Variants in SDK1 observed in about 807,000 individuals in gnomAD.
SDK1 encodes protein sidekick-1.
A neutral mutation model predicts 245.5 loss-of-function variants in SDK1; 157 were observed. The observed-to-expected ratio is 0.64, with a 90% CI of 0.56 to 0.73. SDK1 has a LOEUF of 0.73. Ranked by LOEUF, SDK1 falls within the 30% of genes least tolerant of loss-of-function variation. The pLI is 0.00. For synonymous variants in SDK1, 1,647 were observed against 1,278.5 expected (o/e 1.29, Z -6.15); for missense variants, 3,583 against 3,002.3 (o/e 1.19, Z -4.52).
chr7:3,357,444 G>A (rs1054338403), intron 1 of SDK1, among the ~76,000 whole-genome samples: 1 of 139,270 alleles, frequency 7.2e-6, no homozygotes, highest in African/African-American at 2.7e-5. Context: ...CAGTCTCCCT[G>A]GGCTCAGGTG....
chr7:4,147,517 C>T (rs1402221588), intron 29 of SDK1, among the ~76,000 whole-genome samples: 2 of 152,204 alleles, frequency 1.3e-5, no homozygotes, highest in Non-Finnish European at 2.9e-5. Flanking sequence ...ATCCTCCTGC[C>T]TCAGCCTCCC....
At chr7:3,496,948 C>A (rs992987195) in intron 1 of SDK1, among the ~76,000 whole-genome samples, 7 of 152,116 alleles carry the variant, frequency 4.6e-5, no homozygotes, top group Non-Finnish European at 8.8e-5. Context: ...GCAGCCAATC[C>A]AAATCCCCAT....
chr7:3,652,719 A>G (rs1252209944), intron 4 of SDK1, among the ~76,000 whole-genome samples: 2 of 152,154 alleles, frequency 1.3e-5, no homozygotes, highest in African/African-American at 2.4e-5. Context: ...GTGGTGATGG[A>G]TATCTTCAGT....
At chr7:4,123,134 G>C (rs1397295941) in intron 25 of SDK1, among the ~76,000 whole-genome samples, 1 of 152,142 alleles carries the variant, frequency 6.6e-6, no homozygotes, top group Non-Finnish European at 1.5e-5. Flanking sequence ...TCTATAGGGA[G>C]AATTGGGCAC....
chr7:3,359,909 G>A (rs1780907348), intron 1 of SDK1, among the ~76,000 whole-genome samples: 1 of 152,174 alleles, frequency 6.6e-6, no homozygotes, highest in African/African-American at 2.4e-5. Flanking sequence ...CTGTTTGGCT[G>A]AATGAATCTT....
Position 3,567,212 on chromosome 7 carries a change from G to T in SDK1, c.299-51868G>T, listed in dbSNP as rs781503781. Among the ~76,000 whole-genome samples the T allele has an allele frequency of 2.8e-4, 42 of 152,340 alleles. No individual in the cohort carries two copies. The Middle Eastern group carries it at 0.01, about 37-fold the overall frequency. Reference sequence around the variant, plus strand: ...TCGTGTTATCTACTTAAGGAGAACAGTGCTTTGATGTTTGTTTATTAGCTT... The same window carrying T: ...TCGTGTTATCTACTTAAGGAGAACATTGCTTTGATGTTTGTTTATTAGCTT... On this transcript the variant is annotated intron_variant, in intron 1 of 44. Transcript: ENST00000404826.
At chr7:3,449,550 G>A (rs1780449070) in intron 1 of SDK1, among the ~76,000 whole-genome samples, 1 of 152,204 alleles carries the variant, frequency 6.6e-6, no homozygotes, top group African/African-American at 2.4e-5. Flanking sequence ...ATAATTAGAA[G>A]TAGGCTTTTG....
intron 4 of SDK1, among the ~76,000 whole-genome samples, chr7:3,725,834 C>T (rs1237427488): frequency 6.6e-6 from 1 of 152,194 alleles, no homozygotes; most frequent in East Asian, 1.9e-4. Flanking sequence ...CCACAATTTA[C>T]TACCGTAATA....
chr7:3,825,079 C>T (rs370514163), intron 5 of SDK1, among the ~76,000 whole-genome samples: 53 of 152,204 alleles, frequency 3.5e-4, no homozygotes, highest in African/African-American at 1.2e-3. Context: ...ATAGGTGGGA[C>T]TGTTGAAGCA....
chr7:3,530,177 C>T (rs978680460), intron 1 of SDK1, among the ~76,000 whole-genome samples: 4 of 152,118 alleles, frequency 2.6e-5, no homozygotes, highest in African/African-American at 4.8e-5. Context: ...CTCAAAATAG[C>T]AGTGAGTTTA....
intron 1 of SDK1, among the ~76,000 whole-genome samples, chr7:3,354,992 A>G (rs1780754195): frequency 6.6e-6 from 1 of 152,234 alleles, no homozygotes; most frequent in South Asian, 2.1e-4. Context: ...AGCTCTAATT[A>G]TATGATTATA....
intron 35 of SDK1, among the ~76,000 whole-genome samples, chr7:4,189,112 A>G (rs1783048573): frequency 6.6e-6 from 1 of 152,058 alleles, no homozygotes; most frequent in African/African-American, 2.4e-5. Context: ...TAGTAAAGGG[A>G]TTTGGAAATC....
chr7:3,610,297 C>A (rs188014663), intron 1 of SDK1, among the ~76,000 whole-genome samples: 3 of 152,200 alleles, frequency 2.0e-5, no homozygotes, highest in Admixed American at 1.3e-4. Context: ...TTTTCTTGGA[C>A]CTTTCAGTTT....
intron 5 of SDK1, among the ~76,000 whole-genome samples, chr7:3,949,529 C>CT (rs1166349873): frequency 1.3e-5 from 2 of 152,338 alleles, no homozygotes; most frequent in Middle Eastern, 3.4e-3. Context: ...TGGCGAGTCC[C>CT]TTCAGCGTGA....
At chr7:3,487,365 G>C (rs944002482) in intron 1 of SDK1, among the ~76,000 whole-genome samples, 1 of 151,720 alleles carries the variant, frequency 6.6e-6, no homozygotes, top group South Asian at 2.1e-4. Flanking sequence ...CTAAACCATC[G>C]TACTTAACAT....
At chr7:4,246,400 C>G (rs147665789) in intron 44 of SDK1, among the ~76,000 whole-genome samples, 1 of 152,056 alleles carries the variant, frequency 6.6e-6, no homozygotes, top group Admixed American at 6.5e-5. Context: ...ACTCCTGCCT[C>G]GGAGGCCCAT....
At chr7:3,352,111 T>C (rs915207890) in intron 1 of SDK1, among the ~76,000 whole-genome samples, 1 of 149,574 alleles carries the variant, frequency 6.7e-6, no homozygotes, top group Non-Finnish European at 1.5e-5. Flanking sequence ...ATATTTCTTA[T>C]AATGTATAAT....
At chr7:3,794,139 A>T (rs1290782342) in intron 4 of SDK1, among the ~76,000 whole-genome samples, 1 of 152,146 alleles carries the variant, frequency 6.6e-6, no homozygotes, top group Non-Finnish European at 1.5e-5. Flanking sequence ...AAGTATCATG[A>T]GGTATTTCAG....
intron 27 of SDK1, among the ~76,000 whole-genome samples, chr7:4,131,945 A>C (rs887796430): frequency 6.6e-6 from 1 of 152,152 alleles, no homozygotes; most frequent in African/African-American, 2.4e-5. Flanking sequence ...CCAGTAAGGG[A>C]ATCCGAGCTC....
Sources: allele counts gnomAD v4.1 joint callset (sites outside exome capture counted in the v4.1 genomes callset), GRCh38; gene constraint gnomAD v4.1.1; transcripts MANE v1.5; gene names NCBI Gene and HGNC (gene_info 2026-07-23, HGNC 2026-07-21).